RFX7: variants seen among roughly 807,000 people sequenced by gnomAD.
The protein encoded by RFX7 is DNA-binding protein RFX7.
RFX7 carries 26 observed loss-of-function variants against 111.8 expected under a neutral mutation model. The ratio of observed to expected loss-of-function variants is 0.23; its 90% CI spans 0.17 to 0.32. RFX7 has a LOEUF of 0.32. Ranked by LOEUF, RFX7 falls within the 10% of genes least tolerant of loss-of-function variation. The pLI is 1.00. For missense variants in RFX7, 1,573 were observed against 1,772.9 expected, an observed-to-expected ratio of 0.89 and a Z score of 2.02; for synonymous variants, 624 against 624.4, an observed-to-expected ratio of 1.00 and a Z score of 0.01.
chr15:56,186,594 GTATACATATACTATATGTATACC>G (rs1401071130), intron 2 of RFX7, among the ~76,000 whole-genome samples: 1 of 151,900 alleles, frequency 6.6e-6, no homozygotes, highest in Non-Finnish European at 1.5e-5. Flanking sequence ...TTATATGGGT[GTATACATATACTATATGTATACC>G]TATGAACTGT....
chr15:56,170,678 A>T (rs926902182), intron 3 of RFX7, among the ~76,000 whole-genome samples: 28 of 152,156 alleles, frequency 1.8e-4, no homozygotes, highest in Non-Finnish European at 1.8e-4. Flanking sequence ...AAATTAAACA[A>T]AATTAAAAGT....
intron 2 of RFX7, among the ~76,000 whole-genome samples, chr15:56,196,736 T>A (rs1879345): frequency 0.13 from 19,803 of 152,238 alleles, 1,680 homozygotes; most frequent in East Asian, 0.44. Flanking sequence ...AAGTCTGTGG[T>A]ACTTTGTTAT....
chr15:56,113,975 G>A (rs1475133223), intron 5 of RFX7, among the ~76,000 whole-genome samples: 3 of 152,296 alleles, frequency 2.0e-5, no homozygotes, highest in Non-Finnish European at 4.4e-5. Context: ...AAGTAATATG[G>A]TCAAATATCT....
chr15:56,103,463 A>T (rs748143193), intron 6 of RFX7, 91 bp downstream of exon 6: 7 of 744,132 alleles, frequency 9.4e-6, no homozygotes, highest in Non-Finnish European at 1.5e-5. Flanking sequence ...GTTTATTTCT[A>T]AATAAAGTTG....
chr15:56,141,174 T>C (rs141048758), intron 5 of RFX7, among the ~76,000 whole-genome samples: 57 of 151,780 alleles, frequency 3.8e-4, no homozygotes, highest in African/African-American at 1.4e-3. Context: ...TAAAACTCTT[T>C]CTCTACAAAA....
In RFX7 at chr15:56,093,944, C is replaced by G. The variant is rs1166847067; in HGVS notation, c.3784G>C (p.Asp1262His). ...VLLSKLDSDNDDAVRGLGMNN... is the reference protein window; with the variant it reads ...VLLSKLDSDNHDAVRGLGMNN... The stretch of plus-strand genomic sequence containing the variant: ...ATTCCCAAACCTCTCACTGCATCAT[C>G]ATTGTCGGAATCAAGTTTACTCAAC... Residue 1262 changes from aspartate (D) to histidine (H), a missense_variant, in exon 10 of 10, where the codon GAT becomes CAT. By Grantham distance (81) the Asp-to-His change is moderately conservative. Coordinates refer to ENST00000559447, the MANE Select transcript of RFX7 (RefSeq NM_022841.7). The G allele has an allele frequency of 2.5e-6, 4 of 1,613,876 alleles. No homozygotes were observed. The highest frequency in any genetic ancestry group is 1.3e-5 in the African/African-American group (1 of 74,928).
chr15:56,175,273 T>A (rs2042891414), intron 3 of RFX7, among the ~76,000 whole-genome samples: 1 of 152,140 alleles, frequency 6.6e-6, no homozygotes, highest in African/African-American at 2.4e-5. Context: ...CTGAAAGATA[T>A]TATAGAAGAA....
intron 5 of RFX7, among the ~76,000 whole-genome samples, chr15:56,132,267 C>G (rs1248819255): frequency 3.3e-5 from 5 of 151,712 alleles, no homozygotes; most frequent in African/African-American, 1.2e-4. Flanking sequence ...AAAATAAAAC[C>G]AAGGAAACTT....
rs570338035 is a variant in RFX7 at position 56,114,341 on chromosome 15, G to A, written c.402-10671C>T. ...CAGGAGAAATGCTTTAACCCGGGAG[G>A]TGGAGGTTGCAGTGATCAGAGATCA... On this transcript the variant is annotated intron_variant, in intron 5 of 9. Coordinates refer to ENST00000559447, the MANE Select transcript of RFX7 (RefSeq NM_022841.7). 1.0e-4 allele frequency among the ~76,000 whole-genome samples: 15 copies of A among 150,588 alleles called. No homozygotes were observed. The South Asian group carries it at 3.2e-3, about 32-fold the overall frequency.
At chr15:56,146,288 T>C (rs1266798876) in intron 3 of RFX7, among the ~76,000 whole-genome samples, 3 of 152,084 alleles carry the variant, frequency 2.0e-5, no homozygotes, top group Non-Finnish European at 4.4e-5. Context: ...TTTTTGTAGC[T>C]TGTTGCTACA....
intron 8 of RFX7, among the ~76,000 whole-genome samples, chr15:56,100,685 T>G (rs2041740149): frequency 6.6e-6 from 1 of 152,154 alleles, no homozygotes; most frequent in Admixed American, 6.6e-5. Flanking sequence ...GTTTATAAGG[T>G]ATAACTGAAA....
intron 5 of RFX7, among the ~76,000 whole-genome samples, chr15:56,120,938 T>A (rs2042070349): frequency 6.6e-6 from 1 of 152,224 alleles, no homozygotes; most frequent in Non-Finnish European, 1.5e-5. Flanking sequence ...TATTTATATT[T>A]TATTGTACTA....
At chr15:56,223,713 G>T (rs954671780) in intron 2 of RFX7, among the ~76,000 whole-genome samples, 1 of 152,008 alleles carries the variant, frequency 6.6e-6, no homozygotes, top group Non-Finnish European at 1.5e-5. Context: ...TGTTTACTTC[G>T]GGTATATTTT....
At chr15:56,151,577 A>C (rs2042569391) in intron 3 of RFX7, among the ~76,000 whole-genome samples, 1 of 152,224 alleles carries the variant, frequency 6.6e-6, no homozygotes. Context: ...CATGGAAAGG[A>C]ATAACTGGTA....
chr15:56,123,115 T>C (rs1235981340), intron 5 of RFX7, among the ~76,000 whole-genome samples: 1 of 152,142 alleles, frequency 6.6e-6, no homozygotes, highest in Non-Finnish European at 1.5e-5. Context: ...CCTCTGCTTT[T>C]TCCAACCAGA....
At chr15:56,172,722 G>A (rs529155366) in intron 3 of RFX7, among the ~76,000 whole-genome samples, 10 of 152,210 alleles carry the variant, frequency 6.6e-5, no homozygotes, top group Non-Finnish European at 1.2e-4. Context: ...AAGAAAAGAA[G>A]AGGCGAGTTT....
chr15:56,211,172 G>T (rs1441007421), intron 2 of RFX7, among the ~76,000 whole-genome samples: 1 of 152,014 alleles, frequency 6.6e-6, no homozygotes, highest in Non-Finnish European at 1.5e-5. Context: ...GTCTGGATGG[G>T]TTCACTGGTA....
chr15:56,133,355 T>C (rs1208915919), intron 5 of RFX7, among the ~76,000 whole-genome samples: 2 of 152,106 alleles, frequency 1.3e-5, no homozygotes, highest in Non-Finnish European at 2.9e-5. Context: ...ACTTCATTTT[T>C]TTCCTCAAAG....
At chr15:56,139,689 G>A (rs530704634) in intron 5 of RFX7, among the ~76,000 whole-genome samples, 8 of 152,208 alleles carry the variant, frequency 5.3e-5, no homozygotes, top group South Asian at 2.1e-4. Context: ...GAGGAGAGGC[G>A]CTCTGGTTTT....
Sources: allele counts gnomAD v4.1 joint callset (sites outside exome capture counted in the v4.1 genomes callset), GRCh38; gene constraint gnomAD v4.1.1; transcripts MANE v1.5; gene names NCBI Gene and HGNC (gene_info 2026-07-23, HGNC 2026-07-21).